CAST: variants seen among roughly 807,000 people sequenced by gnomAD.
CAST encodes MIR583 host.
A neutral mutation model predicts 119.6 loss-of-function variants in CAST; 76 were observed. The ratio of observed to expected loss-of-function variants is 0.64; its 90% confidence interval spans 0.53 to 0.77. The LOEUF is 0.77. CAST is among the 30% of genes least tolerant of loss of function. The probability of loss-of-function intolerance (pLI) is 0.00; values close to 1 mark genes in which losing one functional copy is unlikely to be tolerated. For missense variants in CAST, 953 were observed against 946.5 expected (o/e 1.01, Z -0.09); for synonymous variants, 319 against 331.6 (o/e 0.96, Z 0.41).
the CAST span, among the ~76,000 whole-genome samples, chr5:96,304,204 T>C: frequency 7.9e-5 from 12 of 152,374 alleles, no homozygotes; most frequent in African/African-American, 2.9e-4. Flanking sequence ...TGACAAGTGA[T>C]GATGAGCTTT....
At chr5:96,649,678 C>G (rs547041891) in intron 1 of CAST, among the ~76,000 whole-genome samples, 1 of 152,176 alleles carries the variant, frequency 6.6e-6, no homozygotes, top group South Asian at 2.1e-4. Context: ...TAACTTTGAC[C>G]CAATTGAGCA....
chr5:96,577,488 A>T, intron 1 of CAST, among the ~76,000 whole-genome samples: 1 of 151,194 alleles, frequency 6.6e-6, no homozygotes, highest in East Asian at 1.9e-4. Context: ...TTGATTTGAG[A>T]CTTTTCCTTG....
At chr5:96,074,414 C>T in the CAST span, among the ~76,000 whole-genome samples, 2 of 152,132 alleles carry the variant, frequency 1.3e-5, no homozygotes, top group Non-Finnish European at 2.9e-5. Context: ...GAAGAGACAC[C>T]TGAGAACTTG....
Position 96,746,359 on chromosome 5 carries a change from A to G in CAST, c.1218A>G (p.Glu406=), listed in dbSNP as rs1300939640. 6.2e-7 allele frequency: 1 copy of G among 1,610,138 alleles called. No homozygotes were observed. Among genetic ancestry groups the G allele is most frequent in the Non-Finnish European group, 8.5e-7 (1 of 1,176,282 alleles). The change falls in exon 17 of 32, where the codon GAA becomes GAG. Residue 406 remains glutamate (E), a synonymous_variant. Transcript: ENST00000675179. ...TTCATCAGGCAAAAGCTAAAGAAGA[A>G]AAACTAGAGAAGTGTGGTGAGGATG... The part of the protein sequence containing the change: ...KEVDEAKAKE[E]KLEKCGEDDE...
At chr5:96,498,684 GT>G in the CAST span, among the ~76,000 whole-genome samples, 1 of 152,168 alleles carries the variant, frequency 6.6e-6, no homozygotes, top group Non-Finnish European at 1.5e-5. Context: ...TAATTATCTT[GT>G]TAACTAGTGA....
At chr5:96,394,790 T>G in the CAST span, 3 of 1,375,130 alleles carry the variant, frequency 2.2e-6, no homozygotes, top group Non-Finnish European at 3.1e-6. Context: ...GCTTGGAAGT[T>G]GGGTACAGCT....
In CAST at chr5:96,765,327, TAAAAAAAAAAAA is replaced by T. The variant is rs59338324; in HGVS notation, c.2037+17_2037+28del. 4 of 511,394 alleles carry T rather than the reference TAAAAAAAAAAAA, an allele frequency of 7.8e-6. No homozygotes were observed. Among genetic ancestry groups the T allele is most frequent in the South Asian group, 3.0e-5 (1 of 33,710 alleles). The allele number at this position is 511,394 out of a possible 1,614,324, so 31.7% of individuals were successfully genotyped here. On this transcript the variant is annotated splice_donor_5th_base_variant and intron_variant, in intron 26 of 31. Coordinates refer to ENST00000675179, the MANE Select transcript of CAST (RefSeq NM_001750.7). ...AAACCAATGGAAGATAAAGTAAAGG[TAAAAAAAAAAAA>T]AAAAAAAAAAAAAATTCACTAATAG... is the stretch of plus-strand genomic sequence containing the variant.
At chr5:96,102,708 T>C in the CAST span, among the ~76,000 whole-genome samples, 6 of 148,372 alleles carry the variant, frequency 4.0e-5, no homozygotes, top group African/African-American at 9.9e-5. Context: ...ATTTGTTCTC[T>C]CTAGTTTTCT....
At chr5:96,323,546 A>T in the CAST span, among the ~76,000 whole-genome samples, 1 of 152,214 alleles carries the variant, frequency 6.6e-6, no homozygotes, top group African/African-American at 2.4e-5. Flanking sequence ...CAGGTGCATG[A>T]CTTAAGAAAA....
the CAST span, among the ~76,000 whole-genome samples, chr5:96,018,502 G>A: frequency 6.6e-6 from 1 of 152,132 alleles, no homozygotes; most frequent in Admixed American, 6.6e-5. Context: ...GCAAAAAAGG[G>A]CATTTGACCT....
At chr5:96,706,595 G>A (rs556717306) in intron 3 of CAST, among the ~76,000 whole-genome samples, 1 of 152,218 alleles carries the variant, frequency 6.6e-6, no homozygotes, top group Non-Finnish European at 1.5e-5. Flanking sequence ...AGATCCTAAT[G>A]ACTGAGATGT....
At chr5:96,357,486 A>G in the CAST span, among the ~76,000 whole-genome samples, 1 of 152,120 alleles carries the variant, frequency 6.6e-6, no homozygotes, top group African/African-American at 2.4e-5. Context: ...AATAGCTCTT[A>G]TTATTTTGAG....
chr5:96,095,566 A>AG, the CAST span, among the ~76,000 whole-genome samples: 1 of 142,716 alleles, frequency 7.0e-6, no homozygotes, highest in Non-Finnish European at 1.6e-5. Flanking sequence ...CAAAAAAAAA[A>AG]AAAAAAAAAA....
chr5:96,609,960 A>G lies in CAST; in HGVS notation c.61-65579A>G, dbSNP rs142756782. Among the ~76,000 whole-genome samples the G allele has an allele frequency of 7.8e-3, 1,189 of 152,168 alleles. 19 individuals carry two copies. The highest frequency in any genetic ancestry group is 0.028 in the African/African-American group (1,147 of 41,490). On this transcript the variant is annotated intron_variant, in intron 1 of 11. Transcript: ENST00000505143. ...GGAGATGAGATTTGGGAGGGGCCAG[A>G]GGTGAAATGATATGGTTTGGCTGTG...
chr5:96,324,855 C>T, the CAST span, among the ~76,000 whole-genome samples: 19 of 151,916 alleles, frequency 1.3e-4, no homozygotes, highest in Non-Finnish European at 1.2e-4. Flanking sequence ...TAAACAGGTT[C>T]TTATATATAA....
the CAST span, among the ~76,000 whole-genome samples, chr5:96,156,041 T>C: frequency 6.6e-6 from 1 of 152,214 alleles, no homozygotes; most frequent in African/African-American, 2.4e-5. Context: ...ATGCGGAAAG[T>C]AAATCATTTT....
At chr5:96,400,118 T>C in the CAST span, 11 of 1,614,074 alleles carry the variant, frequency 6.8e-6, no homozygotes, top group Admixed American at 1.2e-4. Context: ...TCCAGGGTTA[T>C]TGGCCAGCGG....
At chr5:96,471,991 AATT>A in the CAST span, among the ~76,000 whole-genome samples, 1 of 152,112 alleles carries the variant, frequency 6.6e-6, no homozygotes, top group Non-Finnish European at 1.5e-5. Flanking sequence ...TGCAAAATAA[AATT>A]ATTTGCTTCA....
chr5:96,223,684 C>A, the CAST span, among the ~76,000 whole-genome samples: 1 of 152,112 alleles, frequency 6.6e-6, no homozygotes, highest in African/African-American at 2.4e-5. Flanking sequence ...TTTGTTATGG[C>A]AGCCCTAGGA....
Sources: allele counts gnomAD v4.1 joint callset (sites outside exome capture counted in the v4.1 genomes callset), GRCh38; gene constraint gnomAD v4.1.1; transcripts MANE v1.5; gene names NCBI Gene and HGNC (gene_info 2026-07-23, HGNC 2026-07-21).